PCDHGB2: variants seen among roughly 807,000 people sequenced by gnomAD.
PCDHGB2 encodes the protein protocadherin gamma-B2.
PCDHGB2 carries 55 observed loss-of-function variants against 59.3 expected under a neutral mutation model. The ratio of observed to expected loss-of-function variants is 0.93; its 90% CI spans 0.75 to 1.16. The LOEUF (loss-of-function observed/expected upper bound fraction) is 1.16. Ranked by LOEUF, PCDHGB2 falls within the 50% of genes most tolerant of loss-of-function variation. The pLI is 0.00. For missense variants in PCDHGB2, 1,228 were observed against 1,198.5 expected, an observed-to-expected ratio of 1.02 and a Z score of -0.36; for synonymous variants, 516 against 512.0, an observed-to-expected ratio of 1.01 and a Z score of -0.11.
rs778372966 is a variant in PCDHGB2, at chr5:141,477,105, A to G, written c.2422-17702A>G. The G allele has an allele frequency of 7.4e-6, 12 of 1,614,106 alleles. No individual in the cohort carries two copies. The highest frequency in any genetic ancestry group is 4.0e-5 in the African/African-American group (3 of 74,934). On this transcript the variant is annotated intron_variant, in intron 1 of 3. Transcript: ENST00000522605. This position sits in a 1 kb window ranked among gnomAD's most constrained non-coding sequence, Gnocchi z 4.9. ...ATCCAGGCCAAAGACAAGGGCGCCA[A>G]TCCCGAAGGAGCACATTGCAAAGTG...
At chr5:141,441,863 C>A in intron 1 of PCDHGB2, 2 of 342,418 alleles carry the variant, frequency 5.8e-6, no homozygotes, top group African/African-American at 2.2e-5. Flanking sequence ...CTGCACGCCG[C>A]GGAGCCTGGC....
chr5:141,389,887 A>T (rs1473090410), intron 1 of PCDHGB2: 2 of 1,613,940 alleles, frequency 1.2e-6, no homozygotes, highest in South Asian at 1.1e-5. Flanking sequence ...AGCTTGCAGG[A>T]GGTGCTGCCG....
chr5:141,454,842 C>T lies in PCDHGB2; in HGVS notation c.2422-39965C>T, dbSNP rs543795114. 1.2e-4 allele frequency among the ~76,000 whole-genome samples: 12 copies of T among 101,680 alleles called. No homozygotes were observed. The East Asian group carries it at 3.9e-3, about 33-fold the overall frequency. 66.7% of individuals were successfully genotyped at this position (101,680 alleles called of 152,430 possible). ...TTTTTTTTTGAGACAGAGTCGCGCTCTGTCACCCAGGCTGGAGTGCAGTGG... is the reference window on the plus strand; with the variant it reads ...TTTTTTTTTGAGACAGAGTCGCGCTTTGTCACCCAGGCTGGAGTGCAGTGG... On this transcript the variant is annotated intron_variant, in intron 1 of 3. Coordinates refer to ENST00000522605, the MANE Select transcript of PCDHGB2 (RefSeq NM_018923.3).
rs771804151 is a variant in PCDHGB2, at chr5:141,486,704, A to G, written c.2422-8103A>G. On this transcript the variant is annotated intron_variant, in intron 1 of 3. Coordinates refer to ENST00000522605, the MANE Select transcript of PCDHGB2 (RefSeq NM_018923.3). The surrounding 1 kb of genome is among the most constrained non-coding windows in gnomAD (Gnocchi z 5.0). ...ATCAGCTTCCTCTTTCATCTCTCTG[A>G]ACCCCCAGACAGGAGCTGTTCATGC... 2.2e-5 allele frequency: 35 copies of G among 1,614,016 alleles called. No homozygotes were observed. Among genetic ancestry groups the G allele is most frequent in the Non-Finnish European group, 2.7e-5 (32 of 1,180,032 alleles).
intron 1 of PCDHGB2, chr5:141,393,073 C>A: frequency 1.2e-6 from 2 of 1,613,658 alleles, no homozygotes; most frequent in Non-Finnish European, 8.5e-7. Flanking sequence ...TTGATCACCG[C>A]GGGCAGGATA....
chr5:141,431,584 G>A lies in PCDHGB2; in HGVS notation c.2422-63223G>A, dbSNP rs201462681. 7 of 1,614,074 alleles carry A rather than the reference G, an allele frequency of 4.3e-6. No homozygotes were observed. The African/African-American group carries it at 9.3e-5, about 22-fold the overall frequency. On this transcript the variant is annotated intron_variant, in intron 1 of 3. Coordinates refer to ENST00000522605, the MANE Select transcript of PCDHGB2 (RefSeq NM_018923.3). The surrounding 1 kb of genome is among the most constrained non-coding windows in gnomAD (Gnocchi z 4.8). ...CCGACCCTGACGAAGGAGTCAATGC[G>A]GAAGTGAGGTATTCCTTCCGGTATG... is the stretch of plus-strand genomic sequence containing the variant.
chr5:141,486,659 G>A lies in PCDHGB2; in HGVS notation c.2422-8148G>A, dbSNP rs758578821. The stretch of plus-strand genomic sequence containing the variant: ...TGCGCTTATCTCCTACTCACTCCTG[G>A]AGCCCAGGAATCGAGATGTATCAGC... On this transcript the variant is annotated intron_variant, in intron 1 of 3. Transcript: ENST00000522605. This position sits in a 1 kb window ranked among gnomAD's most constrained non-coding sequence, Gnocchi z 5.0. 5.0e-6 allele frequency: 8 copies of A among 1,613,944 alleles called. No homozygotes were observed. Among genetic ancestry groups the A allele is most frequent in the Middle Eastern group, 1.6e-4 (1 of 6,062 alleles).
At chr5:141,419,204 G>A (rs1291977951) in intron 1 of PCDHGB2, 1 of 1,613,798 alleles carries the variant, frequency 6.2e-7, no homozygotes, top group Non-Finnish European at 8.5e-7. Flanking sequence ...CAATGACAAC[G>A]CGCCGGTTTT....
chr5:141,498,509 C>T (rs2099784058), intron 2 of PCDHGB2, among the ~76,000 whole-genome samples: 1 of 151,740 alleles, frequency 6.6e-6, no homozygotes, highest in East Asian at 1.9e-4. Flanking sequence ...TCCCTCCCCA[C>T]CATCTTGCCC....
intron 2 of PCDHGB2, among the ~76,000 whole-genome samples, chr5:141,500,184 T>TTTTATTTATTTATTTA (rs58019021): frequency 1.5e-5 from 2 of 135,886 alleles, no homozygotes; most frequent in African/African-American, 5.4e-5. Flanking sequence ...TCATTTTTAT[T>TTTTATTTATTTATTTA]TTTATTTATT....
chr5:141,384,160 A>G, intron 1 of PCDHGB2: 1 of 1,613,640 alleles, frequency 6.2e-7, no homozygotes, highest in African/African-American at 1.3e-5. Flanking sequence ...GTATAACATC[A>G]CACTGAAAGC....
Position 141,366,617 on chromosome 5 carries a change from T to G in PCDHGB2, c.2421+4061T>G, listed in dbSNP as rs768444252. 5.0e-6 allele frequency: 8 copies of G among 1,614,120 alleles called. No individual in the cohort carries two copies. The African/African-American group carries it at 1.1e-4, about 22-fold the overall frequency. On this transcript the variant is annotated intron_variant, in intron 1 of 3. Transcript: ENST00000522605. ...CCACGAGGTCTCCCTCACCGCGGAC[T>G]CGAGGAAGAGTCACCTGATCTTTCC...
At chr5:141,496,693 C>T (rs2099770546) in intron 2 of PCDHGB2, among the ~76,000 whole-genome samples, 1 of 152,164 alleles carries the variant, frequency 6.6e-6, no homozygotes, top group South Asian at 2.1e-4. Context: ...CCTTGCCAAC[C>T]TTCTCATAAG....
Position 141,428,071 on chromosome 5 carries a change from C to T in PCDHGB2, c.2421+65515C>T, listed in dbSNP as rs968712502. ...AAGGTGGTGGCGGTGGACGCAGATTCGGGACACAACGCTTGGCTGTCCTAC... is the reference window on the plus strand; with the variant it reads ...AAGGTGGTGGCGGTGGACGCAGATTTGGGACACAACGCTTGGCTGTCCTAC... On this transcript the variant is annotated intron_variant, in intron 1 of 3. Transcript: ENST00000522605. The T allele has an allele frequency of 5.6e-6, 9 of 1,609,140 alleles. No homozygotes were observed. In the Middle Eastern group the frequency reaches 1.0e-3, roughly 184 times the overall value.
intron 1 of PCDHGB2, among the ~76,000 whole-genome samples, chr5:141,467,475 T>C (rs2099144764): frequency 6.6e-6 from 1 of 152,248 alleles, no homozygotes; most frequent in Non-Finnish European, 1.5e-5. Flanking sequence ...GCATGGTTTT[T>C]GGTTTCCACA....
chr5:141,384,709 C>G, intron 1 of PCDHGB2: 2 of 1,614,124 alleles, frequency 1.2e-6, no homozygotes, highest in South Asian at 1.1e-5. Context: ...GAACGCCTGG[C>G]TGTCATACCT....
chr5:141,503,213 A>G (rs1368413073), intron 2 of PCDHGB2, among the ~76,000 whole-genome samples: 1 of 152,100 alleles, frequency 6.6e-6, no homozygotes, highest in Non-Finnish European at 1.5e-5. Flanking sequence ...AGTGCCCACC[A>G]TGAGCACCGT....
intron 1 of PCDHGB2, chr5:141,365,865 G>A (rs1444429243): frequency 1.9e-6 from 3 of 1,614,056 alleles, no homozygotes; most frequent in Non-Finnish European, 2.5e-6. Context: ...TCTGACACCG[G>A]TGTCCTGTAT....
chr5:141,419,698 G>A, intron 1 of PCDHGB2: 1 of 1,612,978 alleles, frequency 6.2e-7, no homozygotes, highest in Non-Finnish European at 8.5e-7. Context: ...AGGCCAGTGA[G>A]CCCGGGCTCT....
Sources: allele counts gnomAD v4.1 joint callset (sites outside exome capture counted in the v4.1 genomes callset), GRCh38; gene constraint gnomAD v4.1.1; non-coding constraint Gnocchi (gnomAD v3.1); transcripts MANE v1.5; gene names NCBI Gene and HGNC (gene_info 2026-07-23, HGNC 2026-07-21).